The following CDH7 variants were observed in gnomAD, a reference collection of about 807,000 sequenced individuals.
CDH7 encodes cadherin-7.
Under a neutral mutation model 71.8 loss-of-function variants are expected in CDH7, and 25 were observed. That is an observed-to-expected ratio of 0.35 (90% CI 0.25 to 0.49). The LOEUF (loss-of-function observed/expected upper bound fraction) is 0.49. CDH7 is among the 20% of genes least tolerant of loss of function. The probability of loss-of-function intolerance (pLI) is 0.99; values close to 1 mark genes in which losing one functional copy is unlikely to be tolerated. For synonymous variants in CDH7, 381 were observed against 363.8 expected, an observed-to-expected ratio of 1.05 and a Z score of -0.54; for missense variants, 862 against 974.6, an observed-to-expected ratio of 0.88 and a Z score of 1.54.
intron 7 of CDH7, among the ~76,000 whole-genome samples, chr18:65,849,304 T>C (rs1481848291): frequency 1.8e-4 from 27 of 152,014 alleles, no homozygotes; most frequent in Non-Finnish European, 3.8e-4. Flanking sequence ...TAGGTTAAAT[T>C]TTGCAGGAAA....
chr18:65,779,588 A>G (rs1163231666), intron 2 of CDH7, among the ~76,000 whole-genome samples: 16 of 32,490 alleles, frequency 4.9e-4, no homozygotes, highest in African/African-American at 2.6e-3. Context: ...TTTACTGAGA[A>G]TGATGGTTTC....
chr18:65,884,496 C>T lies in CDH7; in HGVS notation c.*3602C>T, dbSNP rs934149214. 1 of 152,142 alleles carries T rather than the reference C, an allele frequency of 6.6e-6. No individual in the cohort carries two copies. Among genetic ancestry groups the T allele is most frequent in the Admixed American group, 6.5e-5 (1 of 15,280 alleles). The allele number at this position is 152,142 out of a possible 1,614,324, so 9.4% of individuals were successfully genotyped here. On this transcript the variant is annotated 3_prime_UTR_variant, in exon 12 of 12. Coordinates refer to ENST00000397968, the MANE Select transcript of CDH7 (RefSeq NM_004361.5). Reference sequence around the variant, plus strand: ...AAGTAATGGTAGCTGCCTTTTCACTCTGCCCTCTGAGGAAGTTTTAAATTA... The same window carrying T: ...AAGTAATGGTAGCTGCCTTTTCACTTTGCCCTCTGAGGAAGTTTTAAATTA...
chr18:65,790,073 C>CA (rs1568186611), intron 2 of CDH7, among the ~76,000 whole-genome samples: 1 of 151,354 alleles, frequency 6.6e-6, no homozygotes, highest in East Asian at 2.0e-4. Context: ...ACTAAAAATA[C>CA]AAAAAAATTA....
intron 2 of CDH7, among the ~76,000 whole-genome samples, chr18:65,776,415 G>T (rs548812068): frequency 6.6e-6 from 1 of 150,802 alleles, no homozygotes; most frequent in African/African-American, 2.4e-5. Flanking sequence ...GAGAGAGAGA[G>T]GGAAGAGAGA....
intron 2 of CDH7, among the ~76,000 whole-genome samples, chr18:65,772,826 A>C (rs1289582779): frequency 6.6e-6 from 1 of 152,102 alleles, no homozygotes; most frequent in Non-Finnish European, 1.5e-5. Flanking sequence ...AATACATACG[A>C]GTGAGTGTGG....
intron 1 of CDH7, among the ~76,000 whole-genome samples, chr18:65,751,384 A>T (rs970304341): frequency 6.6e-6 from 1 of 152,200 alleles, no homozygotes; most frequent in African/African-American, 2.4e-5. Context: ...GCCGGTGTTG[A>T]CAGACACCAG....
intron 11 of CDH7, chr18:65,863,137 A>C (rs1568227389): frequency 1.7e-6 from 1 of 581,888 alleles, no homozygotes; most frequent in East Asian, 2.9e-5. Flanking sequence ...TCCCAGGTTC[A>C]AGCAATTCTC....
At chr18:65,809,292 A>G (rs1320545015) in intron 2 of CDH7, among the ~76,000 whole-genome samples, 1 of 152,176 alleles carries the variant, frequency 6.6e-6, no homozygotes, top group East Asian at 1.9e-4. Context: ...TAAATGGTAT[A>G]TTGGAACCAG....
intron 5 of CDH7, among the ~76,000 whole-genome samples, chr18:65,823,101 T>C (rs1911996401): frequency 6.6e-6 from 1 of 151,854 alleles, no homozygotes; most frequent in South Asian, 2.1e-4. Flanking sequence ...GTGAATCATA[T>C]CAAAAAACGA....
chr18:65,784,130 T>C (rs1048229220), intron 2 of CDH7, among the ~76,000 whole-genome samples: 2 of 150,266 alleles, frequency 1.3e-5, no homozygotes, highest in Admixed American at 6.6e-5. Context: ...TTTTTTTTTT[T>C]TTGTAGAGAT....
intron 7 of CDH7, among the ~76,000 whole-genome samples, chr18:65,857,536 C>T (rs1913408862): frequency 6.6e-6 from 1 of 151,628 alleles, no homozygotes; most frequent in Non-Finnish European, 1.5e-5. Flanking sequence ...TAATAATGAA[C>T]TTGAAGTTCT....
At chr18:65,751,442 T>A (rs1413802375) in intron 1 of CDH7, among the ~76,000 whole-genome samples, 1 of 152,020 alleles carries the variant, frequency 6.6e-6, no homozygotes, top group African/African-American at 2.4e-5. Flanking sequence ...ATCCCGGCAC[T>A]CTCCAGGTGC....
At chr18:65,804,467 T>C (rs918102163) in intron 2 of CDH7, among the ~76,000 whole-genome samples, 17 of 152,190 alleles carry the variant, frequency 1.1e-4, no homozygotes, top group African/African-American at 4.1e-4. Flanking sequence ...TTTGCCATTA[T>C]CAGACTTTTA....
chr18:65,776,360 GAAC>G (rs1270688846), intron 2 of CDH7, among the ~76,000 whole-genome samples: 1 of 117,114 alleles, frequency 8.5e-6, no homozygotes, highest in East Asian at 2.3e-4. Context: ...AGAAAGTACA[GAAC>G]ACACACACAC....
chr18:65,777,062 C>T (rs1909973577), intron 2 of CDH7, among the ~76,000 whole-genome samples: 1 of 152,056 alleles, frequency 6.6e-6, no homozygotes, highest in South Asian at 2.1e-4. Flanking sequence ...TTAGGAGCTG[C>T]CGTTGCTAAC....
At chr18:65,755,976 C>CA (rs570102057) in intron 1 of CDH7, among the ~76,000 whole-genome samples, 1 of 151,556 alleles carries the variant, frequency 6.6e-6, no homozygotes, top group Non-Finnish European at 1.5e-5. Context: ...ACAAAACAAA[C>CA]AAAAAAACAA....
Position 65,881,016 on chromosome 18 carries a change from G to A in CDH7, c.*122G>A. The A allele has an allele frequency of 2.1e-6, 2 of 945,598 alleles. No individual in the cohort carries two copies. The highest frequency in any genetic ancestry group is 3.9e-5 in the South Asian group (2 of 50,956). The allele number at this position is 945,598 out of a possible 1,614,324, so 58.6% of individuals were successfully genotyped here. ...AGAACTCCCCTTGCTGGAGACAGAT[G>A]GTTGTAAATATTTCTCCATTTTTAA... is the stretch of plus-strand genomic sequence containing the variant. On this transcript the variant is annotated 3_prime_UTR_variant, in exon 12 of 12. Transcript: ENST00000397968.
intron 2 of CDH7, among the ~76,000 whole-genome samples, chr18:65,790,559 T>G (rs1358206348): frequency 2.0e-5 from 3 of 152,190 alleles, no homozygotes; most frequent in Non-Finnish European, 4.4e-5. Flanking sequence ...CTTAGTAGTC[T>G]TTATAGGAAA....
intron 7 of CDH7, among the ~76,000 whole-genome samples, chr18:65,850,695 A>T (rs1438243116): frequency 6.6e-6 from 1 of 151,936 alleles, no homozygotes; most frequent in Non-Finnish European, 1.5e-5. Flanking sequence ...TGCATATGAG[A>T]TTTGAAAAAG....
Sources: allele counts gnomAD v4.1 joint callset (sites outside exome capture counted in the v4.1 genomes callset), GRCh38; gene constraint gnomAD v4.1.1; transcripts MANE v1.5; gene names NCBI Gene and HGNC (gene_info 2026-07-23, HGNC 2026-07-21).